The following SLC25A26 variants were observed in gnomAD, a reference collection of about 807,000 sequenced individuals.
SLC25A26 encodes solute carrier family 25 member 26.
Under a neutral mutation model 37.8 loss-of-function variants are expected in SLC25A26, and 36 were observed. The observed-to-expected ratio is 0.95, with a 90% CI of 0.73 to 1.26. SLC25A26 has a LOEUF of 1.26. Among genes scored for constraint, SLC25A26 ranks in the 50% most tolerant of loss-of-function variants. The pLI, the probability that SLC25A26 is intolerant of heterozygous loss-of-function variation, is 0.00. For missense variants in SLC25A26, 390 were observed against 331.1 expected (o/e 1.18, Z -1.38); for synonymous variants, 129 against 122.5 (o/e 1.05, Z -0.35).
In SLC25A26 at chr3:66,259,592, G is replaced by A. The variant is rs543712177; in HGVS notation, c.301-2459G>A. On this transcript the variant is annotated intron_variant, in intron 3 of 9. Transcript: ENST00000354883. ...TAACCTCCTGTCAGTGACCAGGTCC[G>A]GTGCATTTTACTCCTTTTTCCTCAG... Among the ~76,000 whole-genome samples, 327 of 152,152 alleles carry A rather than the reference G, an allele frequency of 2.1e-3. 4 individuals are homozygous for A. The highest frequency in any genetic ancestry group is 3.6e-3 in the Non-Finnish European group (248 of 68,006).
intron 5 of SLC25A26, among the ~76,000 whole-genome samples, chr3:66,297,487 G>A (rs1319381968): frequency 1.3e-5 from 2 of 152,156 alleles, no homozygotes; most frequent in Non-Finnish European, 2.9e-5. Flanking sequence ...TACTATAACA[G>A]TAGCTTCCTT....
chr3:66,179,057 T>C (rs2070643897), intron 1 of SLC25A26, among the ~76,000 whole-genome samples: 1 of 152,202 alleles, frequency 6.6e-6, no homozygotes, highest in Non-Finnish European at 1.5e-5. Context: ...AAGCAAAGAT[T>C]GAAAGGACAG....
intron 8 of SLC25A26, 25 bp from the exon 9 acceptor site, chr3:66,370,504 G>A (rs753842416): frequency 6.3e-7 from 1 of 1,597,774 alleles, no homozygotes; most frequent in Non-Finnish European, 8.6e-7. Context: ...GAAGATAACG[G>A]GTTTCTCTTT....
chr3:66,301,740 C>G (rs1285700323), intron 5 of SLC25A26, among the ~76,000 whole-genome samples: 1 of 152,118 alleles, frequency 6.6e-6, no homozygotes, highest in African/African-American at 2.4e-5. Context: ...TATGTAGTTA[C>G]AGAGAGATAC....
chr3:66,173,407 C>T (rs574346418), intron 1 of SLC25A26, among the ~76,000 whole-genome samples: 1 of 152,308 alleles, frequency 6.6e-6, no homozygotes, highest in Non-Finnish European at 1.5e-5. Context: ...CATAAGTGGA[C>T]AAGACCTGAC....
intron 3 of SLC25A26, among the ~76,000 whole-genome samples, chr3:66,249,242 C>CA (rs2072982436): frequency 6.6e-6 from 1 of 152,224 alleles, no homozygotes; most frequent in East Asian, 1.9e-4. Context: ...CCCATGCTGT[C>CA]ATAGAGCCTC....
At position 66,377,790 on chromosome 3, in the gene SLC25A26, G is replaced by A; in HGVS notation, c.808G>A (p.Gly270Ser). ...AACGCACAGCTTGCTGTTGGAAGTT[G>A]GCAGAAAGAGTCCTTGAAGCAGAGA... Reference protein sequence around the residue: ...DRTHSLLLEVGRKSP With the variant: ...DRTHSLLLEVSRKSP Residue 270 changes from glycine to serine, a missense_variant, in exon 10 of 10, where the codon GGC becomes AGC. Physicochemically the swap from Gly to Ser is moderately conservative, Grantham distance 56. Transcript: ENST00000354883. The A allele has an allele frequency of 6.2e-7, 1 of 1,613,682 alleles. No individual in the cohort carries two copies. The highest frequency in any genetic ancestry group is 8.5e-7 in the Non-Finnish European group (1 of 1,179,662).
At chr3:66,255,831 A>G (rs2073277566) in intron 3 of SLC25A26, among the ~76,000 whole-genome samples, 2 of 152,338 alleles carry the variant, frequency 1.3e-5, no homozygotes, top group African/African-American at 4.8e-5. Flanking sequence ...GAGGAAGCAG[A>G]AGCATTACTT....
chr3:66,163,275 A>G (rs2070384472), intron 1 of SLC25A26, among the ~76,000 whole-genome samples: 1 of 152,182 alleles, frequency 6.6e-6, no homozygotes, highest in Non-Finnish European at 1.5e-5. Flanking sequence ...ATTTGACGGG[A>G]AACAGTTTGA....
chr3:66,267,131 C>G lies in SLC25A26; in HGVS notation c.453+3752C>G, dbSNP rs976765557. On this transcript the variant is annotated intron_variant, in intron 5 of 9. Coordinates refer to ENST00000354883, the MANE Select transcript of SLC25A26 (RefSeq NM_001379210.1). The stretch of plus-strand genomic sequence containing the variant: ...AAGTAGACACTTTACAGTGCAGTGT[C>G]ATAAGCACTGTAATGATAAGTATAT... Among the ~76,000 whole-genome samples the G allele has an allele frequency of 2.0e-5, 3 of 152,126 alleles. No individual in the cohort carries two copies. The South Asian group carries it at 6.2e-4, about 31-fold the overall frequency.
intron 1 of SLC25A26, among the ~76,000 whole-genome samples, chr3:66,191,269 C>T (rs1419327789): frequency 6.6e-6 from 1 of 152,182 alleles, no homozygotes; most frequent in African/African-American, 2.4e-5. Flanking sequence ...GTAACACACA[C>T]CTGTAGTTCC....
chr3:66,284,149 C>T (rs2074432745), intron 5 of SLC25A26, among the ~76,000 whole-genome samples: 1 of 152,124 alleles, frequency 6.6e-6, no homozygotes, highest in South Asian at 2.1e-4. Context: ...GAGTTTGAGA[C>T]TAGCCTGGGC....
rs928605373 is a variant in SLC25A26 at position 66,205,192 on chromosome 3, T to C, written c.-353-15550T>C. On this transcript the variant is annotated intron_variant, in intron 1 of 10. Transcript: ENST00000676754. ...TGAGATTGTGCATGTACTATATTAA[T>C]TTCACACTCCTTGAACATGCATTCT... is the stretch of plus-strand genomic sequence containing the variant. Among the ~76,000 whole-genome samples the C allele has an allele frequency of 7.2e-5, 11 of 152,312 alleles. No individual in the cohort carries two copies. In the South Asian group the frequency reaches 1.2e-3, roughly 17 times the overall value.
upstream of SLC25A26, among the ~76,000 whole-genome samples, chr3:66,218,642 T>A (rs1241835635): frequency 6.6e-6 from 1 of 152,246 alleles, no homozygotes; most frequent in Non-Finnish European, 1.5e-5. Context: ...ATTGCTGGAA[T>A]GACAACTGAG....
At chr3:66,212,762 T>C (rs930637262) in intron 1 of SLC25A26, among the ~76,000 whole-genome samples, 8 of 152,216 alleles carry the variant, frequency 5.3e-5, no homozygotes, top group Non-Finnish European at 1.2e-4. Context: ...GACTGGCTTA[T>C]TTTGCTTAGC....
chr3:66,271,198 C>T (rs752364732), intron 5 of SLC25A26, among the ~76,000 whole-genome samples: 5 of 152,146 alleles, frequency 3.3e-5, no homozygotes, highest in African/African-American at 4.8e-5. Context: ...CATCTTTCTT[C>T]GTCTTCGTGA....
intron 7 of SLC25A26, among the ~76,000 whole-genome samples, chr3:66,368,065 T>C (rs1039363559): frequency 6.6e-6 from 1 of 152,132 alleles, no homozygotes; most frequent in Non-Finnish European, 1.5e-5. Flanking sequence ...TCATAATCAG[T>C]GTTACCATAT....
At chr3:66,244,446 C>A (rs191456933) in intron 3 of SLC25A26, among the ~76,000 whole-genome samples, 1 of 152,186 alleles carries the variant, frequency 6.6e-6, no homozygotes, top group African/African-American at 2.4e-5. Context: ...AAGATTTGAA[C>A]AACACAATGA....
chr3:66,164,098 C>A (rs1001543364), intron 1 of SLC25A26, among the ~76,000 whole-genome samples: 2 of 152,118 alleles, frequency 1.3e-5, no homozygotes, highest in African/African-American at 4.8e-5. Context: ...TATTCCAGGC[C>A]TATTGTAGAA....
Sources: gnomAD v4.1 joint callset for allele counts (sites outside exome capture counted in the v4.1 genomes callset) on GRCh38, gnomAD v4.1.1 for gene constraint, MANE v1.5 for transcripts, NCBI Gene and HGNC (gene_info 2026-07-23, HGNC 2026-07-21) for gene names.